ADGRL3: variants seen among roughly 807,000 people sequenced by gnomAD.
ADGRL3 encodes calcium-independent alpha-latrotoxin receptor 3.
Under a neutral mutation model 153.5 loss-of-function variants are expected in ADGRL3, and 62 were observed. The ratio of observed to expected loss-of-function variants is 0.40; its 90% confidence interval spans 0.33 to 0.50. The LOEUF is 0.50. ADGRL3 is among the 20% of genes least tolerant of loss of function. The pLI is 0.47. For missense variants in ADGRL3, 1,641 were observed against 1,859.4 expected (o/e 0.88, Z 2.16); for synonymous variants, 710 against 672.5 (o/e 1.06, Z -0.86).
chr4:61,865,889 T>C (rs2098395373), intron 9 of ADGRL3, among the ~76,000 whole-genome samples: 1 of 152,202 alleles, frequency 6.6e-6, no homozygotes, highest in Non-Finnish European at 1.5e-5. Flanking sequence ...AAGATGAATC[T>C]CTCACTTAGG....
chr4:61,358,424 C>T (rs1426754124), intron 1 of ADGRL3, among the ~76,000 whole-genome samples: 2 of 151,778 alleles, frequency 1.3e-5, no homozygotes, highest in African/African-American at 4.8e-5. Context: ...GATGAAACCC[C>T]GTCTCTACTA....
chr4:61,200,494 G>C lies in ADGRL3; in HGVS notation c.-1511G>C, dbSNP rs1734274678. Among the ~76,000 whole-genome samples the C allele has an allele frequency of 2.7e-5, 4 of 149,976 alleles. No individual in the cohort carries two copies. Among genetic ancestry groups the C allele is most frequent in the Middle Eastern group, 6.9e-3 (2 of 290 alleles). ...GGGGATGCAGATGCTGCAGCTGGTCGGGGTGGGCGCCGCCGCCGCCGCCGC... is the reference window on the plus strand; with the variant it reads ...GGGGATGCAGATGCTGCAGCTGGTCCGGGTGGGCGCCGCCGCCGCCGCCGC... On this transcript the variant is annotated 5_prime_UTR_variant, in exon 1 of 27. Coordinates refer to ENST00000683033, the MANE Select transcript of ADGRL3 (RefSeq NM_001387552.1).
chr4:61,600,775 C>A (rs542219762), intron 5 of ADGRL3, among the ~76,000 whole-genome samples: 1 of 152,066 alleles, frequency 6.6e-6, no homozygotes, highest in Non-Finnish European at 1.5e-5. Flanking sequence ...TTAAAGAACA[C>A]CTGTCTCAAA....
At chr4:61,807,323 A>C (rs2097562683) in intron 8 of ADGRL3, among the ~76,000 whole-genome samples, 1 of 81,988 alleles carries the variant, frequency 1.2e-5, no homozygotes, top group Admixed American at 1.6e-4. Flanking sequence ...TAATTGCTCT[A>C]ATTTTTTTTA....
chr4:61,259,336 T>A (rs1444889620), intron 1 of ADGRL3, among the ~76,000 whole-genome samples: 1 of 151,868 alleles, frequency 6.6e-6, no homozygotes, highest in African/African-American at 2.4e-5. Flanking sequence ...GGCAGGAGAA[T>A]GGCGTGAACC....
chr4:61,414,532 TC>T (rs1359444938), intron 2 of ADGRL3, among the ~76,000 whole-genome samples: 1 of 152,132 alleles, frequency 6.6e-6, no homozygotes, highest in Non-Finnish European at 1.5e-5. Context: ...GATAACATGA[TC>T]TAAATTAATA....
At chr4:61,329,292 CAAAAG>C (rs1279009931) in intron 1 of ADGRL3, among the ~76,000 whole-genome samples, 27 of 152,052 alleles carry the variant, frequency 1.8e-4, no homozygotes, top group East Asian at 1.7e-3. Flanking sequence ...AATAAAAGCT[CAAAAG>C]AAATCTTCAA....
chr4:61,385,852 G>T (rs1204704606), intron 2 of ADGRL3: 1 of 152,130 alleles, frequency 6.6e-6, no homozygotes, highest in Non-Finnish European at 1.5e-5. Context: ...ATGTGTGTAT[G>T]TATATGCATA....
At chr4:61,698,021 G>T (rs1049819066) in intron 6 of ADGRL3, among the ~76,000 whole-genome samples, 7 of 152,098 alleles carry the variant, frequency 4.6e-5, no homozygotes, top group African/African-American at 1.4e-4. Flanking sequence ...ATTAGGAATT[G>T]GGAGCCATGG....
chr4:61,830,491 T>C (rs2097856768), intron 9 of ADGRL3, among the ~76,000 whole-genome samples: 1 of 152,198 alleles, frequency 6.6e-6, no homozygotes, highest in Non-Finnish European at 1.5e-5. Context: ...CATGTCTATA[T>C]TCAAGATCAT....
At chr4:61,837,653 G>C (rs939640801) in intron 9 of ADGRL3, among the ~76,000 whole-genome samples, 4 of 151,988 alleles carry the variant, frequency 2.6e-5, no homozygotes, top group Admixed American at 6.6e-5. Context: ...CATATTTTTA[G>C]AAGTTCTGTT....
chr4:61,432,095 T>C (rs965025428), intron 2 of ADGRL3, among the ~76,000 whole-genome samples: 1 of 152,182 alleles, frequency 6.6e-6, no homozygotes, highest in Non-Finnish European at 1.5e-5. Context: ...CCTGAATTAG[T>C]GTAAGACCAG....
intron 5 of ADGRL3, among the ~76,000 whole-genome samples, chr4:61,631,698 GA>G (rs2093174405): frequency 6.6e-6 from 1 of 152,114 alleles, no homozygotes. Flanking sequence ...AGATGAAGAA[GA>G]AAATGAGTTT....
intron 4 of ADGRL3, among the ~76,000 whole-genome samples, chr4:61,538,200 A>G (rs1464484390): frequency 6.6e-6 from 1 of 152,148 alleles, no homozygotes; most frequent in African/African-American, 2.4e-5. Context: ...TTTGTTGTGT[A>G]TATTTTGGCT....
chr4:61,372,952 C>G (rs553637264), intron 1 of ADGRL3, among the ~76,000 whole-genome samples: 1 of 152,142 alleles, frequency 6.6e-6, no homozygotes, highest in South Asian at 2.1e-4. Context: ...TTAAGCCCGT[C>G]GGAAAAGCGC....
intron 1 of ADGRL3, among the ~76,000 whole-genome samples, chr4:61,280,022 G>T (rs1233357462): frequency 6.6e-6 from 1 of 151,858 alleles, no homozygotes; most frequent in Non-Finnish European, 1.5e-5. Context: ...TCCCAGAAAA[G>T]GTTGACACTA....
At chr4:61,613,984 T>C (rs1274309236) in intron 5 of ADGRL3, among the ~76,000 whole-genome samples, 2 of 152,176 alleles carry the variant, frequency 1.3e-5, no homozygotes, top group Non-Finnish European at 2.9e-5. Flanking sequence ...GTCCAAACTT[T>C]AGCGGTAAGG....
At chr4:61,807,000 C>T (rs567184038) in intron 8 of ADGRL3, among the ~76,000 whole-genome samples, 53 of 150,482 alleles carry the variant, frequency 3.5e-4, no homozygotes, top group Non-Finnish European at 5.3e-4. Flanking sequence ...TTCTTATAAA[C>T]AAGAAATAAT....
At position 61,813,802 on chromosome 4, in the gene ADGRL3, T is replaced by C; in HGVS notation, c.1400-7T>C. The C allele has an allele frequency of 1.2e-6, 2 of 1,604,090 alleles. No homozygotes were observed. Among genetic ancestry groups the C allele is most frequent in the African/African-American group, 2.7e-5 (2 of 74,864 alleles). On this transcript the variant is annotated splice_region_variant and splice_polypyrimidine_tract_variant and intron_variant, in intron 8 of 26. Coordinates refer to ENST00000683033, the MANE Select transcript of ADGRL3 (RefSeq NM_001387552.1). The stretch of plus-strand genomic sequence containing the variant: ...TGTCTTCTTAACAATTTGTTTTGGG[T>C]CCACAGGGCAGGCACATCATGGACA...
Sources: allele counts gnomAD v4.1 joint callset (sites outside exome capture counted in the v4.1 genomes callset), GRCh38; gene constraint gnomAD v4.1.1; transcripts MANE v1.5; gene names NCBI Gene and HGNC (gene_info 2026-07-23, HGNC 2026-07-21).